The following DLGAP5 variants were observed in gnomAD, a reference collection of about 807,000 sequenced individuals.
DLGAP5 encodes DLG associated protein 5, also known as disks large-associated protein 5.
DLGAP5 carries 90 observed loss-of-function variants against 99.6 expected under a neutral mutation model. The ratio of observed to expected loss-of-function variants is 0.90; its 90% CI spans 0.76 to 1.08. The LOEUF (loss-of-function observed/expected upper bound fraction) is 1.08, where lower values mean the gene tolerates loss of function less well. Ranked by LOEUF, DLGAP5 falls within the 50% of genes least tolerant of loss-of-function variation. The probability of loss-of-function intolerance (pLI) is 0.00; values close to 1 mark genes in which losing one functional copy is unlikely to be tolerated. For missense variants in DLGAP5, 1,036 were observed against 983.5 expected, an observed-to-expected ratio of 1.05 and a Z score of -0.71; for synonymous variants, 311 against 321.3, an observed-to-expected ratio of 0.97 and a Z score of 0.34.
At chr14:55,162,426 T>C (rs190890789) in intron 13 of DLGAP5, among the ~76,000 whole-genome samples, 265 of 152,218 alleles carry the variant, frequency 1.7e-3, no homozygotes, top group African/African-American at 6.1e-3. Flanking sequence ...GAGACCATCC[T>C]GGCTAACACA....
intron 10 of DLGAP5, among the ~76,000 whole-genome samples, chr14:55,174,102 TTC>T: frequency 6.6e-6 from 1 of 152,350 alleles, no homozygotes; most frequent in African/African-American, 2.4e-5. Flanking sequence ...TATCACTGAA[TTC>T]TTTTTCTCAG....
chr14:55,181,535 TTAAAAA>T (rs1308002527), intron 4 of DLGAP5, among the ~76,000 whole-genome samples: 1 of 152,212 alleles, frequency 6.6e-6, no homozygotes, highest in Admixed American at 6.5e-5. Context: ...ACCCAAGCTA[TTAAAAA>T]CAGCTCACTA....
At chr14:55,170,960 C>G (rs915022340) in intron 10 of DLGAP5, among the ~76,000 whole-genome samples, 173 bp from the exon 11 acceptor site, 3 of 152,204 alleles carry the variant, frequency 2.0e-5, no homozygotes, top group African/African-American at 7.2e-5. Flanking sequence ...TCCATAAATA[C>G]AAGTTGATAC....
chr14:55,148,174 T>C lies in DLGAP5; in HGVS notation c.*177A>G, dbSNP rs1878074042. ...TATTCTGTGTTGAAAATGTACAAAA[T>C]ATCCCCACTTCCCTTGAGAAAGAGT... On this transcript the variant is annotated 3_prime_UTR_variant, in exon 19 of 19. Coordinates refer to ENST00000247191, the MANE Select transcript of DLGAP5 (RefSeq NM_014750.5). 3 of 646,740 alleles carry C rather than the reference T, an allele frequency of 4.6e-6. No individual in the cohort carries two copies. In the African/African-American group the frequency reaches 5.6e-5, roughly 12 times the overall value. The allele number at this position is 646,740 out of a possible 1,614,324, so 40.1% of individuals were successfully genotyped here. A position where few individuals can be genotyped will look rare whatever the true frequency, so the allele number is the denominator to read the frequency against.
intron 10 of DLGAP5, among the ~76,000 whole-genome samples, chr14:55,175,108 A>G (rs144629834): frequency 6.6e-6 from 1 of 152,378 alleles, no homozygotes; most frequent in African/African-American, 2.4e-5. Flanking sequence ...TGAAAGGTTC[A>G]AACTATGTGG....
At position 55,151,601 on chromosome 14, in the gene DLGAP5, C is replaced by T. The variant is rs1014029496; in HGVS notation, c.2368+94G>A. 7.1e-6 allele frequency: 9 copies of T among 1,268,450 alleles called. No individual in the cohort carries two copies. The African/African-American group carries it at 7.5e-5, about 11-fold the overall frequency. 78.6% of individuals were successfully genotyped at this position (1,268,450 alleles called of 1,614,324 possible). A position where few individuals can be genotyped will look rare whatever the true frequency, so the allele number is the denominator to read the frequency against. On this transcript the variant is annotated intron_variant, in intron 17 of 18. Coordinates refer to ENST00000247191, the MANE Select transcript of DLGAP5 (RefSeq NM_014750.5). The stretch of plus-strand genomic sequence containing the variant: ...AATGAAGGATCCTCAATAGTTAGAT[C>T]TAATGTAAAATGGACCTTATAGGAT...
chr14:55,188,452 A>G (rs1162138780), intron 2 of DLGAP5, among the ~76,000 whole-genome samples: 2 of 152,152 alleles, frequency 1.3e-5, no homozygotes, highest in African/African-American at 4.8e-5. Flanking sequence ...TGGATTCTTT[A>G]ATTATTCTAT....
chr14:55,177,457 G>C (rs1883115192), intron 7 of DLGAP5, 121 bp from the exon 8 acceptor site: 1 of 836,250 alleles, frequency 1.2e-6, no homozygotes, highest in African/African-American at 1.8e-5. Context: ...TAATTTGAGA[G>C]ACAAAAACAG....
In DLGAP5 at chr14:55,177,139, T is replaced by C. The variant is rs8010791; in HGVS notation, c.972A>G (p.Gln324=). 6.3e-7 allele frequency: 1 copy of C among 1,598,904 alleles called. No homozygotes were observed. The highest frequency in any genetic ancestry group is 8.5e-7 in the Non-Finnish European group (1 of 1,174,792). The change falls in exon 8 of 19, where the codon CAA becomes CAG. Residue 324 remains glutamine, a synonymous_variant. Coordinates refer to ENST00000247191, the MANE Select transcript of DLGAP5 (RefSeq NM_014750.5). Reference sequence around the variant, plus strand: ...CACTTCTGGGAGTCATAGGTGTTACTTGATAGGTCTTCAGACCATCCAGTG... The same window carrying C: ...CACTTCTGGGAGTCATAGGTGTTACCTGATAGGTCTTCAGACCATCCAGTG... The part of the protein sequence containing the change: ...FQPLDGLKTY[Q]VTPMTPRSAN...
At position 55,177,132 on chromosome 14, in the gene DLGAP5, G is replaced by A. The variant is rs762205818; in HGVS notation, c.979C>T (p.Pro327Ser). The change falls in exon 8 of 19, where the codon CCT becomes TCT. Residue 327 changes from proline to serine, a missense_variant. Coordinates refer to ENST00000247191, the MANE Select transcript of DLGAP5 (RefSeq NM_014750.5). Reference sequence around the variant, plus strand: ...GCATTGGCACTTCTGGGAGTCATAGGTGTTACTTGATAGGTCTTCAGACCA... The same window carrying A: ...GCATTGGCACTTCTGGGAGTCATAGATGTTACTTGATAGGTCTTCAGACCA... The part of the protein sequence containing the change: ...LDGLKTYQVT[P>S]MTPRSANAFL... The A allele has an allele frequency of 3.8e-6, 6 of 1,592,886 alleles. No homozygotes were observed. The Admixed American group carries it at 7.2e-5, about 19-fold the overall frequency.
chr14:55,179,554 G>A (rs1296918279), intron 7 of DLGAP5, 75 bp downstream of exon 7: 8 of 1,295,654 alleles, frequency 6.2e-6, no homozygotes, highest in Non-Finnish European at 7.6e-6. Flanking sequence ...AGTTCTTTAT[G>A]TTTAATTTCA....
intron 12 of DLGAP5, among the ~76,000 whole-genome samples, chr14:55,166,655 G>A (rs1437260712): frequency 6.6e-6 from 1 of 151,914 alleles, no homozygotes; most frequent in Non-Finnish European, 1.5e-5. Flanking sequence ...CTTGAACTCA[G>A]GAGGCACAGG....
intron 12 of DLGAP5, among the ~76,000 whole-genome samples, chr14:55,166,034 C>G (rs1882631735): frequency 6.6e-6 from 1 of 152,160 alleles, no homozygotes; most frequent in Non-Finnish European, 1.5e-5. Flanking sequence ...ACAATATGAC[C>G]TACCAATATC....
chr14:55,176,031 G>A lies in DLGAP5; in HGVS notation c.1050-13C>T, dbSNP rs1420829672. The stretch of plus-strand genomic sequence containing the variant: ...TTGAGACTCATCACTAAAAACAATA[G>A]CAAAAATATACTTCATGAAACATGA... On this transcript the variant is annotated splice_polypyrimidine_tract_variant and intron_variant, in intron 8 of 18. Coordinates refer to ENST00000247191, the MANE Select transcript of DLGAP5 (RefSeq NM_014750.5). 3 of 1,593,620 alleles carry A rather than the reference G, an allele frequency of 1.9e-6. No individual in the cohort carries two copies. Among genetic ancestry groups the A allele is most frequent in the South Asian group, 1.1e-5 (1 of 87,340 alleles).
At chr14:55,190,427 T>G (rs1883574702) in intron 1 of DLGAP5, among the ~76,000 whole-genome samples, 2 of 151,980 alleles carry the variant, frequency 1.3e-5, no homozygotes, top group Admixed American at 1.3e-4. Flanking sequence ...TAGATCCAAC[T>G]AGGGAGAACA....
chr14:55,151,570 A>C, intron 17 of DLGAP5, 125 bp downstream of exon 17: 1 of 1,066,936 alleles, frequency 9.4e-7, no homozygotes, highest in South Asian at 1.7e-5. Context: ...CAGGGTCTTC[A>C]CTAACAATGA....
chr14:55,149,819 G>GT (rs1286022000), intron 18 of DLGAP5, among the ~76,000 whole-genome samples: 3 of 39,768 alleles, frequency 7.5e-5, no homozygotes, highest in South Asian at 8.0e-4. Context: ...TCGGGGCGGG[G>GT]GGGGGGCATC....
At position 55,175,857 on chromosome 14, in the gene DLGAP5, T is replaced by G. The variant is rs2140323059; in HGVS notation, c.1174+37A>C. 5 of 1,481,934 alleles carry G rather than the reference T, an allele frequency of 3.4e-6. No homozygotes were observed. In the East Asian group the frequency reaches 1.2e-4, roughly 36 times the overall value. 91.8% of individuals were successfully genotyped at this position (1,481,934 alleles called of 1,614,324 possible). ...AGCAAAATATTTTTTGTATTAACAT[T>G]ATTCTAAAAAATGAATAAATTAATT... On this transcript the variant is annotated intron_variant, in intron 9 of 18. Transcript: ENST00000247191.
chr14:55,175,560 T>C (rs1883032224), intron 9 of DLGAP5, 88 bp from the exon 10 acceptor site: 1 of 867,140 alleles, frequency 1.2e-6, no homozygotes, highest in Non-Finnish European at 1.8e-6. Context: ...AAAAATCCTT[T>C]TCAATGTTTA....
Sources: gnomAD v4.1 joint callset for allele counts (sites outside exome capture counted in the v4.1 genomes callset) on GRCh38, gnomAD v4.1.1 for gene constraint, MANE v1.5 for transcripts, NCBI Gene and HGNC (gene_info 2026-07-23, HGNC 2026-07-21) for gene names.